SLC1A2: variants seen among roughly 807,000 people sequenced by gnomAD.
SLC1A2 encodes the protein solute carrier family 1 member 2, also known as excitatory amino acid transporter 2.
Under a neutral mutation model 48.8 loss-of-function variants are expected in SLC1A2, and 15 were observed. That is an observed-to-expected ratio of 0.31 (90% CI 0.21 to 0.47). The LOEUF (loss-of-function observed/expected upper bound fraction) is 0.47. Ranked by LOEUF, SLC1A2 falls within the 20% of genes least tolerant of loss-of-function variation. SLC1A2 has a pLI of 0.99. For synonymous variants in SLC1A2, 279 were observed against 272.6 expected (o/e 1.02, Z -0.23); for missense variants, 502 against 730.5 (o/e 0.69, Z 3.61).
At chr11:35,268,614 G>A (rs906809809) in intron 9 of SLC1A2, among the ~76,000 whole-genome samples, 1 of 150,704 alleles carries the variant, frequency 6.6e-6, no homozygotes, top group South Asian at 2.1e-4. Flanking sequence ...GCAGTGAGCC[G>A]AGATGGTGCC....
chr11:35,308,106 G>A (rs568293328), intron 4 of SLC1A2, among the ~76,000 whole-genome samples: 1 of 152,192 alleles, frequency 6.6e-6, no homozygotes, highest in Non-Finnish European at 1.5e-5. Flanking sequence ...GCCTACGTTT[G>A]GTTTAAAAGA....
chr11:35,328,953 ATATTTAT>A (rs1852336815), intron 1 of SLC1A2, among the ~76,000 whole-genome samples: 2 of 152,230 alleles, frequency 1.3e-5, no homozygotes, highest in Non-Finnish European at 2.9e-5. Flanking sequence ...CTGCACAGGG[ATATTTAT>A]AGCAGCTTTA....
At chr11:35,281,493 C>G (rs1850632638) in intron 8 of SLC1A2, among the ~76,000 whole-genome samples, 1 of 152,194 alleles carries the variant, frequency 6.6e-6, no homozygotes, top group East Asian at 1.9e-4. Context: ...AGCAAATATC[C>G]AGACCCAACT....
intron 10 of SLC1A2, among the ~76,000 whole-genome samples, chr11:35,264,396 C>A (rs1215071099): frequency 1.3e-5 from 2 of 152,240 alleles, no homozygotes; most frequent in African/African-American, 4.8e-5. Flanking sequence ...TACCAGAGAT[C>A]TCTGGCTGGG....
At chr11:35,300,546 G>A (rs1376121314) in intron 6 of SLC1A2, among the ~76,000 whole-genome samples, 2 of 152,192 alleles carry the variant, frequency 1.3e-5, no homozygotes, top group Non-Finnish European at 1.5e-5. Context: ...TGCCAACTAC[G>A]AGGAATAGGC....
chr11:35,287,688 G>C (rs559939902), intron 7 of SLC1A2, among the ~76,000 whole-genome samples: 1 of 152,308 alleles, frequency 6.6e-6, no homozygotes, highest in East Asian at 1.9e-4. Context: ...GTGGATTCGT[G>C]ACCACATGAC....
chr11:35,387,659 G>A (rs887223078), intron 1 of SLC1A2, among the ~76,000 whole-genome samples: 6 of 152,042 alleles, frequency 3.9e-5, no homozygotes, highest in African/African-American at 1.4e-4. Context: ...ATTACTGACA[G>A]AAACCATACA....
intron 1 of SLC1A2, among the ~76,000 whole-genome samples, chr11:35,412,908 A>G (rs1165746617): frequency 8.5e-5 from 13 of 152,106 alleles, no homozygotes; most frequent in Admixed American, 7.2e-4. Flanking sequence ...TACCAAACCA[A>G]TAATTACAAA....
Position 35,265,042 on chromosome 11 carries a change from G to A in SLC1A2, c.1653+485C>T, listed in dbSNP as rs558657573. 2.5e-3 allele frequency: 387 copies of A among 153,374 alleles called. 2 individuals carry two copies. Among genetic ancestry groups the A allele is most frequent in the African/African-American group, 8.8e-3 (360 of 40,742 alleles). The allele number at this position is 153,374 out of a possible 1,614,324, so 9.5% of individuals were successfully genotyped here. On this transcript the variant is annotated intron_variant, in intron 10 of 10. Coordinates refer to ENST00000278379, the MANE Select transcript of SLC1A2 (RefSeq NM_004171.4). Reference sequence around the variant, plus strand: ...CGGCTCAATGCAAGCTCTGCCTCCCGGGTTCACGCCATTCTCCCACCTCAG... The same window carrying A: ...CGGCTCAATGCAAGCTCTGCCTCCCAGGTTCACGCCATTCTCCCACCTCAG...
At chr11:35,324,459 GT>G (rs1852174766) in intron 1 of SLC1A2, among the ~76,000 whole-genome samples, 1 of 152,204 alleles carries the variant, frequency 6.6e-6, no homozygotes, top group African/African-American at 2.4e-5. Flanking sequence ...CAGAGCTCCA[GT>G]GAGATGATAT....
intron 1 of SLC1A2, among the ~76,000 whole-genome samples, chr11:35,360,354 G>A (rs547994996): frequency 6.6e-6 from 1 of 152,108 alleles, no homozygotes; most frequent in Non-Finnish European, 1.5e-5. Flanking sequence ...TCCCTCCCAC[G>A]TTTTGTGAAT....
intron 10 of SLC1A2, among the ~76,000 whole-genome samples, chr11:35,262,515 A>G (rs1263938679): frequency 1.3e-5 from 2 of 152,238 alleles, no homozygotes; most frequent in African/African-American, 4.8e-5. Flanking sequence ...CATTGGCAGC[A>G]AGCGCTGACA....
At chr11:35,313,032 A>G (rs1386557222) in intron 3 of SLC1A2, among the ~76,000 whole-genome samples, 1 of 152,234 alleles carries the variant, frequency 6.6e-6, no homozygotes, top group East Asian at 1.9e-4. Context: ...AGTTAAAATA[A>G]AGTTGAAGAC....
rs76595426 is a variant in SLC1A2 at position 35,251,944 on chromosome 11, C to T, written c.*8950G>A. Reference sequence around the variant, plus strand: ...ACAGAATGTGTGTTTTAGGAGGCAACTGTAAACTTGCATTAGTTAATCCCA... The same window carrying T: ...ACAGAATGTGTGTTTTAGGAGGCAATTGTAAACTTGCATTAGTTAATCCCA... On this transcript the variant is annotated 3_prime_UTR_variant, in exon 11 of 11. Transcript: ENST00000278379. 4 of 152,708 alleles carry T rather than the reference C, an allele frequency of 2.6e-5. No homozygotes were observed. The East Asian group carries it at 7.7e-4, about 30-fold the overall frequency. The allele number at this position is 152,708 out of a possible 1,614,324, so 9.5% of individuals were successfully genotyped here.
chr11:35,260,683 A>G lies in SLC1A2; in HGVS notation c.*211T>C, dbSNP rs1460100826. ...TTCAAATAATAATACAAGTGAGAAA[A>G]TTAGACGGTTATAAAGCATTATTTG... On this transcript the variant is annotated 3_prime_UTR_variant, in exon 11 of 11. Coordinates refer to ENST00000278379, the MANE Select transcript of SLC1A2 (RefSeq NM_004171.4). The G allele has an allele frequency of 1.9e-6, 1 of 539,072 alleles. No homozygotes were observed. The highest frequency in any genetic ancestry group is 3.3e-6 in the Non-Finnish European group (1 of 302,382). The allele number at this position is 539,072 out of a possible 1,614,324, so 33.4% of individuals were successfully genotyped here.
In SLC1A2 at chr11:35,304,154, G is replaced by A. The variant is rs116571817; in HGVS notation, c.730+1920C>T. ...GAACAAAACCCTCTTGGACTTGGCC[G>A]CTGGGGTTACAGAGTAGTGAGTTGT... On this transcript the variant is annotated intron_variant, in intron 5 of 10. Transcript: ENST00000278379. Among the ~76,000 whole-genome samples, 1,037 of 152,188 alleles carry A rather than the reference G, an allele frequency of 6.8e-3. 14 individuals carry two copies. The highest frequency in any genetic ancestry group is 0.023 in the African/African-American group (955 of 41,516).
chr11:35,358,544 C>T (rs2135118000), intron 1 of SLC1A2, among the ~76,000 whole-genome samples: 1 of 152,298 alleles, frequency 6.6e-6, no homozygotes, highest in South Asian at 2.1e-4. Flanking sequence ...ATACAGAAAG[C>T]CCTTGCTCAA....
At chr11:35,315,959 T>G (rs947343004) in intron 2 of SLC1A2, 1 of 152,236 alleles carries the variant, frequency 6.6e-6, no homozygotes, top group Non-Finnish European at 1.5e-5. Context: ...AAATGAACAT[T>G]TAATTGACCA....
chr11:35,316,337 A>G (rs2134895809), intron 2 of SLC1A2: 1 of 152,368 alleles, frequency 6.6e-6, no homozygotes, highest in Admixed American at 6.5e-5. Flanking sequence ...TGTTAATTCC[A>G]CAGATGAGGA....
Sources: gnomAD v4.1 joint callset for allele counts (sites outside exome capture counted in the v4.1 genomes callset) on GRCh38, gnomAD v4.1.1 for gene constraint, MANE v1.5 for transcripts, NCBI Gene and HGNC (gene_info 2026-07-23, HGNC 2026-07-21) for gene names.